The following DOCK1 variants were observed in gnomAD, a reference collection of about 807,000 sequenced individuals.
DOCK1 encodes dedicator of cytokinesis protein 1.
In DOCK1, 138 loss-of-function variants were observed where a neutral mutation model predicts 262.7. The observed-to-expected ratio is 0.53, with a 90% CI of 0.46 to 0.61. The LOEUF is 0.61. DOCK1 is among the 20% of genes least tolerant of loss of function. DOCK1 has a pLI of 0.00. For missense variants in DOCK1, 1,908 were observed against 2,370.7 expected (o/e 0.80, Z 4.05); for synonymous variants, 866 against 867.4 (o/e 1.00, Z 0.03).
At chr10:127,084,685 C>G (rs902134868) in intron 23 of DOCK1, among the ~76,000 whole-genome samples, 5 of 152,184 alleles carry the variant, frequency 3.3e-5, no homozygotes, top group African/African-American at 1.2e-4. Flanking sequence ...GCTCAAACTT[C>G]ACAGGATATT....
At position 126,948,404 on chromosome 10, in the gene DOCK1, T is replaced by A. The variant is rs2035785380; in HGVS notation, c.47-22298T>A. 2.4e-5 allele frequency among the ~76,000 whole-genome samples: 2 copies of A among 82,326 alleles called. 1 individual carries two copies. Among genetic ancestry groups the A allele is most frequent in the Non-Finnish European group, 5.6e-5 (2 of 35,720 alleles). 54.0% of individuals were successfully genotyped at this position (82,326 alleles called of 152,430 possible). On this transcript the variant is annotated intron_variant, in intron 1 of 51. Transcript: ENST00000623213. ...GTGGTGATGGTGGTGGTTGGTAGTA[T>A]TACTGTTGGTGGTGATGGTGGTGGT...
intron 2 of DOCK1, among the ~76,000 whole-genome samples, chr10:126,973,699 G>A (rs575908630): frequency 1.1e-3 from 168 of 152,240 alleles, no homozygotes; most frequent in African/African-American, 3.9e-3. Context: ...TTTGACTTTG[G>A]GGAGTGTGGT....
At chr10:127,433,879 T>C (rs2069475170) in intron 48 of DOCK1, among the ~76,000 whole-genome samples, 1 of 151,918 alleles carries the variant, frequency 6.6e-6, no homozygotes, top group East Asian at 1.9e-4. Flanking sequence ...TTAGTGTTAG[T>C]GTATTTCATG....
At chr10:127,247,517 A>C in intron 27 of DOCK1, among the ~76,000 whole-genome samples, 1 of 152,292 alleles carries the variant, frequency 6.6e-6, no homozygotes. Context: ...AAGGGCAGCA[A>C]GTTTCCAAGA....
rs1332303456 is a variant in DOCK1, at chr10:127,176,244, T to C, written c.2847+48480T>C. On this transcript the variant is annotated intron_variant, in intron 27 of 51. Transcript: ENST00000623213. This position sits in a 1 kb window ranked among gnomAD's most constrained non-coding sequence, Gnocchi z 4.4. ...CTGCTCATTCTGTGCCTCGCAGATA[T>C]CCTTAAACCGCACCTGCAGGGCTTT... 6.2e-6 allele frequency: 10 copies of C among 1,614,118 alleles called. No individual in the cohort carries two copies. Among genetic ancestry groups the C allele is most frequent in the Non-Finnish European group, 8.5e-6 (10 of 1,180,024 alleles).
chr10:127,233,002 G>A (rs2186023), intron 27 of DOCK1, among the ~76,000 whole-genome samples: 17,907 of 152,228 alleles, frequency 0.12, 1,231 homozygotes, highest in East Asian at 0.18. Context: ...CCATGTGACT[G>A]GTGATTAGAG....
chr10:126,997,262 A>T (rs1447039311), intron 7 of DOCK1, among the ~76,000 whole-genome samples: 2 of 152,140 alleles, frequency 1.3e-5, no homozygotes, highest in Non-Finnish European at 2.9e-5. Flanking sequence ...GTCTTCTATG[A>T]TCTTTAATGG....
chr10:126,989,774 G>A (rs1239147202), intron 5 of DOCK1, among the ~76,000 whole-genome samples: 2 of 152,142 alleles, frequency 1.3e-5, no homozygotes, highest in East Asian at 1.9e-4. Flanking sequence ...TCTTTGAACC[G>A]TCAATCCCAT....
chr10:127,126,330 C>G (rs929265304), intron 26 of DOCK1, among the ~76,000 whole-genome samples: 12 of 152,202 alleles, frequency 7.9e-5, no homozygotes, highest in Non-Finnish European at 1.3e-4. Context: ...CTCCTGACTT[C>G]GTGATCCACC....
intron 27 of DOCK1, among the ~76,000 whole-genome samples, chr10:127,160,416 C>T (rs1564853214): frequency 6.6e-6 from 1 of 152,178 alleles, no homozygotes; most frequent in Non-Finnish European, 1.5e-5. Context: ...TGTGCCTGGT[C>T]TGGTTGCAGA....
chr10:127,367,624 G>A (rs2064995493), intron 33 of DOCK1, among the ~76,000 whole-genome samples: 2 of 152,212 alleles, frequency 1.3e-5, no homozygotes, highest in South Asian at 4.1e-4. Flanking sequence ...AAGCCTGTGA[G>A]ATGGGAGGCC....
intron 29 of DOCK1, among the ~76,000 whole-genome samples, chr10:127,328,396 A>G (rs2062832643): frequency 2.0e-5 from 3 of 152,122 alleles, no homozygotes; most frequent in Admixed American, 6.5e-5. Flanking sequence ...TTCTGGGCTG[A>G]CTAGGATTCA....
chr10:127,179,362 C>A (rs1051191481), intron 27 of DOCK1, among the ~76,000 whole-genome samples: 1 of 152,092 alleles, frequency 6.6e-6, no homozygotes. Context: ...AAAATCATTT[C>A]GTTGTTAGTA....
Position 127,394,916 on chromosome 10 carries a change from G to T in DOCK1, c.3928-8139G>T, listed in dbSNP as rs116550866. 5.3e-3 allele frequency among the ~76,000 whole-genome samples: 810 copies of T among 152,204 alleles called. 7 individuals carry two copies. Among genetic ancestry groups the T allele is most frequent in the African/African-American group, 0.019 (778 of 41,544 alleles). ...CCGCCCATCACACAGGTGGGCGCTG[G>T]GTCTCCCTATCCCACAGGTGCAGGA... On this transcript the variant is annotated intron_variant, in intron 38 of 51. Coordinates refer to ENST00000623213, the MANE Select transcript of DOCK1 (RefSeq NM_001290223.2).
At chr10:127,187,054 C>A (rs75963577) in intron 27 of DOCK1, among the ~76,000 whole-genome samples, 2 of 152,194 alleles carry the variant, frequency 1.3e-5, no homozygotes, top group African/African-American at 4.8e-5. Flanking sequence ...CAGAAGGGAA[C>A]GTGACAATTC....
chr10:127,291,950 G>A lies in DOCK1; in HGVS notation c.3044+34521G>A, dbSNP rs189917499. 4.0e-4 allele frequency among the ~76,000 whole-genome samples: 61 copies of A among 152,278 alleles called. No individual in the cohort carries two copies. The East Asian group carries it at 0.01, about 26-fold the overall frequency. ...ACAGAGTGCCTCCTGACCCAGGGTC[G>A]CAAGCCAGGTTCTGTGCCAGGCACC... is the stretch of plus-strand genomic sequence containing the variant. On this transcript the variant is annotated intron_variant, in intron 29 of 51. Transcript: ENST00000623213.
intron 27 of DOCK1, among the ~76,000 whole-genome samples, chr10:127,211,526 G>T (rs1299062094): frequency 6.6e-6 from 1 of 152,206 alleles, no homozygotes. Flanking sequence ...GTTTCACAGA[G>T]GAAATATAAC....
intron 28 of DOCK1, among the ~76,000 whole-genome samples, chr10:127,255,172 G>A (rs2059787416): frequency 6.6e-6 from 1 of 152,174 alleles, no homozygotes; most frequent in South Asian, 2.1e-4. Flanking sequence ...GGCCGAGGCA[G>A]GAGGATTCCT....
intron 25 of DOCK1, among the ~76,000 whole-genome samples, chr10:127,114,688 A>G (rs933205440): frequency 6.6e-6 from 1 of 152,086 alleles, no homozygotes; most frequent in African/African-American, 2.4e-5. Flanking sequence ...CAGAGAGAAG[A>G]GAGTAATGCA....
Sources: allele counts gnomAD v4.1 joint callset (sites outside exome capture counted in the v4.1 genomes callset), GRCh38; gene constraint gnomAD v4.1.1; non-coding constraint Gnocchi (gnomAD v3.1); transcripts MANE v1.5; gene names NCBI Gene and HGNC (gene_info 2026-07-23, HGNC 2026-07-21).